Variants in ARGLU1 observed in about 807,000 individuals in gnomAD.
ARGLU1 encodes arginine and glutamate-rich protein 1.
Under a neutral mutation model 37.6 loss-of-function variants are expected in ARGLU1, and 9 were observed. The observed-to-expected ratio is 0.24, with a 90% CI of 0.14 to 0.42. ARGLU1 has a LOEUF of 0.42. Among genes scored for constraint, ARGLU1 ranks in the 10% least tolerant of loss-of-function variants. The probability of loss-of-function intolerance (pLI) is 1.00; values close to 1 mark genes in which losing one functional copy is unlikely to be tolerated. For missense variants in ARGLU1, 211 were observed against 359.2 expected (o/e 0.59, Z 3.34); for synonymous variants, 166 against 138.5 (o/e 1.20, Z -1.39).
At chr13:106,561,325 T>C (rs1163278759) in intron 1 of ARGLU1, among the ~76,000 whole-genome samples, 1 of 151,934 alleles carries the variant, frequency 6.6e-6, no homozygotes, top group Non-Finnish European at 1.5e-5. Context: ...AACTAATCAA[T>C]GAAACAAGGC....
intron 1 of ARGLU1, among the ~76,000 whole-genome samples, chr13:106,560,275 C>A (rs933860905): frequency 6.6e-6 from 1 of 152,100 alleles, no homozygotes; most frequent in African/African-American, 2.4e-5. Context: ...AAAAGCTCCT[C>A]TAGAAATGGG....
intron 3 of ARGLU1, among the ~76,000 whole-genome samples, chr13:106,555,879 C>T (rs1033545412): frequency 6.6e-6 from 1 of 152,158 alleles, no homozygotes; most frequent in Non-Finnish European, 1.5e-5. Context: ...AATGGGAGGT[C>T]CAGTTCCACC....
rs1320694653 is a variant in ARGLU1, at chr13:106,541,738, C to G, written c.*2258G>C. On this transcript the variant is annotated 3_prime_UTR_variant, in exon 4 of 4. Coordinates refer to ENST00000400198, the MANE Select transcript of ARGLU1 (RefSeq NM_018011.4). ...ACCACAATATGTCAATAACTACATA[C>G]TGTAATAAAAATAAACAAAGTCATA... The G allele has an allele frequency of 6.6e-6, 1 of 151,930 alleles. No homozygotes were observed. Among genetic ancestry groups the G allele is most frequent in the East Asian group, 1.9e-4 (1 of 5,192 alleles). 9.4% of individuals were successfully genotyped at this position (151,930 alleles called of 1,614,324 possible).
At chr13:106,561,460 CACT>C (rs1880800073) in intron 1 of ARGLU1, among the ~76,000 whole-genome samples, 1 of 143,522 alleles carries the variant, frequency 7.0e-6, no homozygotes, top group Non-Finnish European at 1.5e-5. Flanking sequence ...CACACACACA[CACT>C]TTTGCTAGTT....
chr13:106,554,825 C>G (rs1408155492), intron 3 of ARGLU1, among the ~76,000 whole-genome samples: 2 of 150,998 alleles, frequency 1.3e-5, no homozygotes, highest in Non-Finnish European at 2.9e-5. Context: ...GCGGAAGTTG[C>G]AGTGAGCCGA....
At position 106,557,504 on chromosome 13, in the gene ARGLU1, C is replaced by A; in HGVS notation, c.574-373G>T. The stretch of plus-strand genomic sequence containing the variant: ...ATATTTGTCTCACCAATTATGTATA[C>A]CTACGTATTCTTTACCTATACTCCT... On this transcript the variant is annotated intron_variant, in intron 2 of 3. Transcript: ENST00000400198. The surrounding 1 kb of genome is among the most constrained non-coding windows in gnomAD (Gnocchi z 5.0). The A allele has an allele frequency of 7.3e-7, 1 of 1,363,612 alleles. No individual in the cohort carries two copies. The highest frequency in any genetic ancestry group is 9.9e-7 in the Non-Finnish European group (1 of 1,013,292). The allele number at this position is 1,363,612 out of a possible 1,614,324, so 84.5% of individuals were successfully genotyped here. A position where few individuals can be genotyped will look rare whatever the true frequency, so the allele number is the denominator to read the frequency against.
Position 106,557,496 on chromosome 13 carries a change from T to C in ARGLU1, c.574-365A>G, listed in dbSNP as rs1055501021. On this transcript the variant is annotated intron_variant, in intron 2 of 3. Transcript: ENST00000400198. The surrounding 1 kb of genome is among the most constrained non-coding windows in gnomAD (Gnocchi z 5.0). ...TAAAGTGAATATTTGTCTCACCAAT[T>C]ATGTATACCTACGTATTCTTTACCT... is the stretch of plus-strand genomic sequence containing the variant. 1.7e-4 allele frequency: 216 copies of C among 1,247,830 alleles called. No individual in the cohort carries two copies. The highest frequency in any genetic ancestry group is 2.1e-4 in the Non-Finnish European group (202 of 940,038). 77.3% of individuals were successfully genotyped at this position (1,247,830 alleles called of 1,614,324 possible).
chr13:106,554,311 C>T (rs2138969373), intron 3 of ARGLU1, among the ~76,000 whole-genome samples: 1 of 152,274 alleles, frequency 6.6e-6, no homozygotes, highest in East Asian at 1.9e-4. Flanking sequence ...CTTCATCATT[C>T]ATCACTTTCT....
Position 106,567,569 on chromosome 13 carries a change from TCA to T in ARGLU1, c.347+2_347+3del. ...CCCCGGTCCCTCCCCGCGCGGGCAC[TCA>T]CATTTTTCGCTGCCGCTCGAACTCC... On this transcript the variant is annotated splice_donor_variant and splice_donor_region_variant and intron_variant, in intron 1 of 3. Transcript: ENST00000400198. LOFTEE classifies it high-confidence loss of function. The surrounding 1 kb of genome is among the most constrained non-coding windows in gnomAD (Gnocchi z 4.3). The T allele has an allele frequency of 6.3e-7, 1 of 1,598,670 alleles. No homozygotes were observed. The highest frequency in any genetic ancestry group is 8.6e-7 in the Non-Finnish European group (1 of 1,166,616).
chr13:106,562,106 C>T (rs893672660), intron 1 of ARGLU1, among the ~76,000 whole-genome samples: 4 of 152,182 alleles, frequency 2.6e-5, no homozygotes, highest in African/African-American at 9.7e-5. Flanking sequence ...TGCAAGGCAT[C>T]CCAATATGAA....
chr13:106,559,765 T>C, intron 1 of ARGLU1, 108 bp from the exon 2 acceptor site: 1 of 1,219,918 alleles, frequency 8.2e-7, no homozygotes, highest in East Asian at 2.5e-5. Flanking sequence ...TATTATTCAG[T>C]GATTTTTTCA....
chr13:106,555,378 A>G (rs901279038), intron 3 of ARGLU1, among the ~76,000 whole-genome samples: 2 of 151,970 alleles, frequency 1.3e-5, no homozygotes, highest in Non-Finnish European at 2.9e-5. Flanking sequence ...AAAACAAAGC[A>G]AGAATAGTGT....
chr13:106,555,380 G>T (rs1164543934), intron 3 of ARGLU1, among the ~76,000 whole-genome samples: 1 of 152,052 alleles, frequency 6.6e-6, no homozygotes, highest in East Asian at 1.9e-4. Context: ...AACAAAGCAA[G>T]AATAGTGTCA....
At chr13:106,548,051 G>A (rs1025451858) in intron 3 of ARGLU1, among the ~76,000 whole-genome samples, 1 of 152,114 alleles carries the variant, frequency 6.6e-6, no homozygotes, top group South Asian at 2.1e-4. Context: ...ACCAATGCTA[G>A]GCATACAGTG....
intron 1 of ARGLU1, among the ~76,000 whole-genome samples, chr13:106,562,999 A>C (rs549253471): frequency 5.3e-5 from 7 of 131,778 alleles, no homozygotes; most frequent in South Asian, 2.5e-4. Flanking sequence ...TCAAAAAAAA[A>C]AAAAAAAAAC....
At chr13:106,563,196 G>C (rs1194136257) in intron 1 of ARGLU1, among the ~76,000 whole-genome samples, 3 of 152,080 alleles carry the variant, frequency 2.0e-5, no homozygotes, top group Non-Finnish European at 4.4e-5. Context: ...TTAGCAAACA[G>C]CATTTACTTA....
Position 106,542,806 on chromosome 13 carries a change from TTCA to T in ARGLU1, c.*1187_*1189del, listed in dbSNP as rs1880294135. 1 of 151,154 alleles carries T rather than the reference TTCA, an allele frequency of 6.6e-6. No homozygotes were observed. The highest frequency in any genetic ancestry group is 2.4e-5 in the African/African-American group (1 of 41,066). 9.4% of individuals were successfully genotyped at this position (151,154 alleles called of 1,614,324 possible). A position where few individuals can be genotyped will look rare whatever the true frequency, so the allele number is the denominator to read the frequency against. On this transcript the variant is annotated 3_prime_UTR_variant, in exon 4 of 4. Coordinates refer to ENST00000400198, the MANE Select transcript of ARGLU1 (RefSeq NM_018011.4). ...ATTCTAGTGTATAAAATGAAAGCCA[TTCA>T]TAAGATTTCACATGCAAAAAAAAAA...
At chr13:106,548,973 G>T (rs578258043) in intron 3 of ARGLU1, among the ~76,000 whole-genome samples, 29 of 152,130 alleles carry the variant, frequency 1.9e-4, no homozygotes, top group Admixed American at 1.9e-3. Context: ...GGATGGTCTA[G>T]ATCTTCTGAC....
chr13:106,547,600 G>A (rs1880425234), intron 3 of ARGLU1, among the ~76,000 whole-genome samples: 1 of 152,150 alleles, frequency 6.6e-6, no homozygotes, highest in Admixed American at 6.5e-5. Flanking sequence ...AAGTTACACT[G>A]TTAAATGAAA....
Sources: allele counts gnomAD v4.1 joint callset (sites outside exome capture counted in the v4.1 genomes callset), GRCh38; gene constraint gnomAD v4.1.1; non-coding constraint Gnocchi (gnomAD v3.1); transcripts MANE v1.5; gene names NCBI Gene and HGNC (gene_info 2026-07-23, HGNC 2026-07-21).